Variants in LMBR1 observed in about 807,000 individuals in gnomAD.
LMBR1 encodes limb region 1 protein homolog.
LMBR1 carries 52 observed loss-of-function variants against 73.9 expected under a neutral mutation model. The observed-to-expected ratio is 0.70, with a 90% CI of 0.56 to 0.89. LMBR1 has a LOEUF of 0.89. Ranked by LOEUF, LMBR1 falls within the 40% of genes least tolerant of loss-of-function variation. The pLI is 0.00. For missense variants in LMBR1, 539 were observed against 579.8 expected (o/e 0.93, Z 0.72); for synonymous variants, 215 against 209.4 (o/e 1.03, Z -0.23).
chr7:156,674,624 TTGATGGC>T (rs1803385952), downstream of LMBR1, among the ~76,000 whole-genome samples: 2 of 152,106 alleles, frequency 1.3e-5, no homozygotes, highest in Non-Finnish European at 2.9e-5. Context: ...TGAGTGAGCA[TTGATGGC>T]CCCAAGCACT....
chr7:156,884,795 T>C (rs1801622660), intron 1 of LMBR1, among the ~76,000 whole-genome samples: 1 of 152,224 alleles, frequency 6.6e-6, no homozygotes, highest in Admixed American at 6.5e-5. Flanking sequence ...GATAACTGCA[T>C]TCTGAACTTA....
chr7:156,772,107 C>A (rs1394762116), intron 5 of LMBR1, among the ~76,000 whole-genome samples: 1 of 152,064 alleles, frequency 6.6e-6, no homozygotes, highest in Non-Finnish European at 1.5e-5. Context: ...AACCCCGTCT[C>A]TACTAAAAAT....
chr7:156,839,171 T>C (rs998124713), intron 1 of LMBR1, among the ~76,000 whole-genome samples: 6 of 148,782 alleles, frequency 4.0e-5, no homozygotes, highest in African/African-American at 9.9e-5. Flanking sequence ...TGCCTCAGCC[T>C]CCCAAGTGGC....
intron 5 of LMBR1, among the ~76,000 whole-genome samples, chr7:156,795,206 T>C (rs990601498): frequency 1.3e-5 from 2 of 152,188 alleles, no homozygotes; most frequent in Non-Finnish European, 2.9e-5. Context: ...CCAGATTGAC[T>C]TCCCCTGTGA....
At chr7:156,843,219 C>A (rs2133990750) in intron 1 of LMBR1, among the ~76,000 whole-genome samples, 1 of 152,256 alleles carries the variant, frequency 6.6e-6, no homozygotes, top group East Asian at 1.9e-4. Context: ...ACTCCACAAG[C>A]TCTTCATAGG....
intron 1 of LMBR1, among the ~76,000 whole-genome samples, chr7:156,854,954 T>C (rs180699712): frequency 1.4e-3 from 215 of 152,338 alleles, no homozygotes; most frequent in Non-Finnish European, 2.4e-3. Flanking sequence ...AACTCACACA[T>C]ACATAAACAT....
chr7:156,893,022 C>G lies in LMBR1; in HGVS notation c.-29G>C, dbSNP rs866469036. The stretch of plus-strand genomic sequence containing the variant: ...CCTTCATGCCCGCCGCCGCGCCGCC[C>G]GCGTCCGCGTGCTCCGCCACACCAT... On this transcript the variant is annotated 5_prime_UTR_variant, in exon 1 of 17. Transcript: ENST00000353442. The G allele has an allele frequency of 2.0e-6, 3 of 1,478,854 alleles. No homozygotes were observed. Among genetic ancestry groups the G allele is most frequent in the Middle Eastern group, 1.8e-4 (1 of 5,544 alleles). 91.6% of individuals were successfully genotyped at this position (1,478,854 alleles called of 1,614,324 possible).
intron 1 of LMBR1, among the ~76,000 whole-genome samples, chr7:156,851,723 G>C (rs1415235444): frequency 6.6e-6 from 1 of 152,096 alleles, no homozygotes; most frequent in African/African-American, 2.4e-5. Flanking sequence ...AATTATTTAA[G>C]TCGTATAGAT....
At chr7:156,754,860 G>A (rs932010527) in intron 9 of LMBR1, among the ~76,000 whole-genome samples, 2 of 152,040 alleles carry the variant, frequency 1.3e-5, no homozygotes, top group Non-Finnish European at 2.9e-5. Context: ...TGTCCATTTT[G>A]CCATAGAACC....
chr7:156,699,878 C>A (rs958143083), intron 15 of LMBR1, among the ~76,000 whole-genome samples: 8 of 152,124 alleles, frequency 5.3e-5, no homozygotes, highest in Admixed American at 1.3e-4. Context: ...GTTAGAATGG[C>A]GATCATTTAA....
intron 15 of LMBR1, among the ~76,000 whole-genome samples, chr7:156,721,522 T>TTAAAC (rs1481568079): frequency 1.3e-5 from 2 of 152,100 alleles, no homozygotes; most frequent in Non-Finnish European, 2.9e-5. Flanking sequence ...TGAGAGTCTA[T>TTAAAC]TAAACTACAC....
chr7:156,711,995 A>T (rs139352841), intron 15 of LMBR1, among the ~76,000 whole-genome samples: 2 of 152,352 alleles, frequency 1.3e-5, no homozygotes, highest in East Asian at 3.9e-4. Context: ...GCAAAAATAA[A>T]CAAATGGAAC....
At chr7:156,727,891 T>C in intron 12 of LMBR1, 39 bp downstream of exon 12, 1 of 1,459,720 alleles carries the variant, frequency 6.9e-7, no homozygotes, top group South Asian at 1.2e-5. Flanking sequence ...CATAGAATAC[T>C]TTTGCAAAAG....
chr7:156,859,570 T>TA lies in LMBR1; in HGVS notation c.67-22686dup, dbSNP rs201390398. 3.5e-3 allele frequency among the ~76,000 whole-genome samples: 514 copies of TA among 146,530 alleles called. 4 individuals carry two copies. Among genetic ancestry groups the TA allele is most frequent in the African/African-American group, 0.01 (401 of 39,706 alleles). On this transcript the variant is annotated intron_variant, in intron 1 of 16. Transcript: ENST00000353442. ...AGCAATTAACAACTGGAATTTGAAA[T>TA]AAAAAAAAAAACCACCATTTACATT...
chr7:156,676,220 C>A, downstream of LMBR1: 1 of 1,497,902 alleles, frequency 6.7e-7, no homozygotes, highest in African/African-American at 1.4e-5. Context: ...CCACAGTTCC[C>A]AGGAGTAACA....
chr7:156,671,163 A>T (rs1802407096), intron 4 of LMBR1, among the ~76,000 whole-genome samples: 1 of 152,226 alleles, frequency 6.6e-6, no homozygotes, highest in Non-Finnish European at 1.5e-5. Flanking sequence ...GAAAACTTTA[A>T]TTGAAAAGAG....
At chr7:156,865,012 A>AG (rs71303929) in intron 1 of LMBR1, among the ~76,000 whole-genome samples, 7 of 151,502 alleles carry the variant, frequency 4.6e-5, no homozygotes, top group Non-Finnish European at 5.9e-5. Flanking sequence ...AAAAAAAAAA[A>AG]GCAATTCCCT....
intron 15 of LMBR1, among the ~76,000 whole-genome samples, chr7:156,691,743 TA>T (rs35083004): frequency 1.1e-3 from 165 of 150,288 alleles, no homozygotes; most frequent in Admixed American, 2.7e-3. Context: ...CTTGTTATTT[TA>T]AAAAAAAAAC....
chr7:156,812,479 C>A (rs1010082114), intron 4 of LMBR1, among the ~76,000 whole-genome samples: 15 of 152,130 alleles, frequency 9.9e-5, no homozygotes, highest in Admixed American at 4.6e-4. Context: ...AGAAAAGAGG[C>A]AAGCAACCTC....
Sources: allele counts gnomAD v4.1 joint callset (sites outside exome capture counted in the v4.1 genomes callset), GRCh38; gene constraint gnomAD v4.1.1; transcripts MANE v1.5; gene names NCBI Gene and HGNC (gene_info 2026-07-23, HGNC 2026-07-21).